Variants in ITGA2 observed in about 807,000 individuals in gnomAD.
ITGA2 encodes the protein integrin subunit alpha 2, also known as integrin alpha-2.
A neutral mutation model predicts 146.3 loss-of-function variants in ITGA2; 101 were observed. The observed-to-expected ratio is 0.69, with a 90% CI of 0.59 to 0.81. ITGA2 has a LOEUF of 0.81. ITGA2 is among the 40% of genes least tolerant of loss of function. ITGA2 has a pLI of 0.00. For synonymous variants in ITGA2, 477 were observed against 487.1 expected, an observed-to-expected ratio of 0.98 and a Z score of 0.27; for missense variants, 1,281 against 1,402.7, an observed-to-expected ratio of 0.91 and a Z score of 1.39.
intron 14 of ITGA2, 23 bp from the exon 15 acceptor site, chr5:53,065,818 T>G (rs972884191): frequency 4.8e-5 from 77 of 1,611,442 alleles, no homozygotes; most frequent in Non-Finnish European, 6.5e-5. Context: ...TACTATAATT[T>G]CGTGTCAAAC....
intron 18 of ITGA2, 58 bp downstream of exon 18, chr5:53,072,106 G>A (rs1049237120): frequency 8.5e-7 from 1 of 1,177,416 alleles, no homozygotes; most frequent in Middle Eastern, 1.9e-4. Context: ...CACAGTCACT[G>A]CAATAGTGTC....
intron 2 of ITGA2, among the ~76,000 whole-genome samples, chr5:53,034,117 T>G (rs2111849643): frequency 6.6e-6 from 1 of 152,272 alleles, no homozygotes; most frequent in South Asian, 2.1e-4. Context: ...CCATTCAATT[T>G]TATTTTTTAC....
At chr5:53,056,334 A>T (rs1186091611) in intron 9 of ITGA2, among the ~76,000 whole-genome samples, 185 bp downstream of exon 9, 5 of 152,086 alleles carry the variant, frequency 3.3e-5, no homozygotes, top group Non-Finnish European at 7.4e-5. Flanking sequence ...CAAATGACTG[A>T]TAAACATAAG....
In ITGA2 at chr5:53,061,058, T is replaced by C; in HGVS notation, c.1458+12T>C. ...ACCGAGGTGACCAGGTAAATCTCAC[T>C]GTTTAGCAGGTGAAATTAATTTTAG... On this transcript the variant is annotated intron_variant, in intron 12 of 29. Transcript: ENST00000296585. The C allele has an allele frequency of 6.2e-7, 1 of 1,611,656 alleles. No homozygotes were observed. Among genetic ancestry groups the C allele is most frequent in the Non-Finnish European group, 8.5e-7 (1 of 1,178,344 alleles).
chr5:53,082,973 A>T (rs1049135268), intron 26 of ITGA2, among the ~76,000 whole-genome samples: 2 of 152,076 alleles, frequency 1.3e-5, no homozygotes, highest in African/African-American at 4.8e-5. Context: ...TTTAACTAGT[A>T]CATTGTTGCT....
chr5:53,061,137 C>T (rs1169741546), intron 12 of ITGA2, 91 bp downstream of exon 12: 1 of 1,211,648 alleles, frequency 8.3e-7, no homozygotes, highest in East Asian at 2.3e-5. Context: ...ACAACATGGC[C>T]TGAGTGCCTA....
At position 52,989,837 on chromosome 5, in the gene ITGA2, G is replaced by C. The variant is rs40118; in HGVS notation, c.64+305G>C. ...ACGCACACACACACACACACACACA[G>C]ACAGACACGCACGCACTCAAGCATG... On this transcript the variant is annotated intron_variant, in intron 1 of 29. Coordinates refer to ENST00000296585, the MANE Select transcript of ITGA2 (RefSeq NM_002203.4). Among the ~76,000 whole-genome samples, 103,640 of 139,256 alleles carry C rather than the reference G, an allele frequency of 0.74. 36,140 individuals are homozygous for C. Among genetic ancestry groups the C allele is most frequent in the South Asian group, 0.84 (3,809 of 4,556 alleles). The allele number at this position is 139,256 out of a possible 152,430, so 91.4% of individuals were successfully genotyped here.
At chr5:53,023,713 T>C (rs980059267) in intron 1 of ITGA2, among the ~76,000 whole-genome samples, 2 of 152,208 alleles carry the variant, frequency 1.3e-5, no homozygotes, top group African/African-American at 4.8e-5. Flanking sequence ...GTTCTTATTA[T>C]CCATATGATT....
At chr5:53,004,362 T>C (rs1741725718) in intron 1 of ITGA2, among the ~76,000 whole-genome samples, 1 of 152,112 alleles carries the variant, frequency 6.6e-6, no homozygotes, top group African/African-American at 2.4e-5. Context: ...ATTGGGAAGA[T>C]CGAAGGGGAT....
intron 1 of ITGA2, among the ~76,000 whole-genome samples, chr5:53,023,282 T>C (rs1742776541): frequency 6.6e-6 from 1 of 152,208 alleles, no homozygotes; most frequent in Admixed American, 6.5e-5. Context: ...CGTACTCTTC[T>C]CTTTCACACC....
intron 17 of ITGA2, among the ~76,000 whole-genome samples, chr5:53,070,645 T>C (rs938441189): frequency 6.6e-6 from 1 of 151,926 alleles, no homozygotes; most frequent in African/African-American, 2.4e-5. Context: ...ACTCCAATTG[T>C]GGTTTCTACT....
intron 6 of ITGA2, among the ~76,000 whole-genome samples, chr5:53,050,913 C>G (rs1401044443): frequency 6.6e-6 from 1 of 152,166 alleles, no homozygotes; most frequent in Non-Finnish European, 1.5e-5. Context: ...CCTCAATTGA[C>G]TACGCTGATT....
intron 1 of ITGA2, among the ~76,000 whole-genome samples, chr5:53,017,442 G>A (rs1263218454): frequency 6.6e-6 from 1 of 152,226 alleles, no homozygotes. Context: ...TTCAAGGTTA[G>A]GCATCTGCTG....
At chr5:53,076,705 A>C (rs1745679549) in intron 23 of ITGA2, among the ~76,000 whole-genome samples, 1 of 152,074 alleles carries the variant, frequency 6.6e-6, no homozygotes, top group Non-Finnish European at 1.5e-5. Context: ...ATATTTAAGA[A>C]TGAAATAAAT....
intron 12 of ITGA2, among the ~76,000 whole-genome samples, chr5:53,062,469 G>T (rs1445703830): frequency 6.6e-6 from 1 of 151,850 alleles, no homozygotes; most frequent in Non-Finnish European, 1.5e-5. Flanking sequence ...GAAACACCTG[G>T]AATGCTAATT....
intron 13 of ITGA2, 60 bp downstream of exon 13, chr5:53,062,989 C>A: frequency 7.3e-7 from 1 of 1,375,414 alleles, no homozygotes; most frequent in Non-Finnish European, 1.0e-6. Flanking sequence ...ATTTAACTTG[C>A]ATTTGGAAAG....
chr5:53,090,627 C>A lies in ITGA2; in HGVS notation c.*28C>A. The A allele has an allele frequency of 6.4e-7, 1 of 1,561,476 alleles. No homozygotes were observed. Among genetic ancestry groups the A allele is most frequent in the Non-Finnish European group, 8.8e-7 (1 of 1,132,146 alleles). The stretch of plus-strand genomic sequence containing the variant: ...CAGCAGACCTACCTGCAGTGGGAAC[C>A]GGCAGCATCCCAGCCAGGGTTTGCT... On this transcript the variant is annotated 3_prime_UTR_variant, in exon 30 of 30. Coordinates refer to ENST00000296585, the MANE Select transcript of ITGA2 (RefSeq NM_002203.4).
rs557174079 is a variant in ITGA2 at position 53,038,485 on chromosome 5, T to G, written c.186-3627T>G. Among the ~76,000 whole-genome samples the G allele has an allele frequency of 6.6e-5, 10 of 152,222 alleles. No individual in the cohort carries two copies. The East Asian group carries it at 1.9e-3, about 29-fold the overall frequency. On this transcript the variant is annotated intron_variant, in intron 2 of 29. Transcript: ENST00000296585. ...ATGTACCCTCCCAGGACAGCTGTGC[T>G]TCGTGTCCAGTCTGCAGCCCCTTCA...
chr5:53,062,573 A>G (rs2111967318), intron 12 of ITGA2, among the ~76,000 whole-genome samples: 1 of 152,008 alleles, frequency 6.6e-6, no homozygotes, highest in Admixed American at 6.6e-5. Flanking sequence ...ATTTTCTTGG[A>G]GATTCTTGTG....
Sources: gnomAD v4.1 joint callset for allele counts (sites outside exome capture counted in the v4.1 genomes callset) on GRCh38, gnomAD v4.1.1 for gene constraint, MANE v1.5 for transcripts, NCBI Gene and HGNC (gene_info 2026-07-23, HGNC 2026-07-21) for gene names.